TTC28: variants seen among roughly 807,000 people sequenced by gnomAD.
TTC28 encodes tetratricopeptide repeat domain 28, also known as tetratricopeptide repeat protein 28.
In TTC28, 61 loss-of-function variants were observed where a neutral mutation model predicts 198.0. The ratio of observed to expected loss-of-function variants is 0.31; its 90% confidence interval spans 0.25 to 0.38. TTC28 has a LOEUF of 0.38. TTC28 is among the 10% of genes least tolerant of loss of function. TTC28 has a pLI of 1.00. For synonymous variants in TTC28, 1,171 were observed against 1,297.8 expected (o/e 0.90, Z 2.10); for missense variants, 2,678 against 3,164.0 (o/e 0.85, Z 3.69).
At chr22:28,092,772 C>A (rs1941852389) in intron 12 of TTC28, among the ~76,000 whole-genome samples, 1 of 152,130 alleles carries the variant, frequency 6.6e-6, no homozygotes, top group South Asian at 2.1e-4. Flanking sequence ...GGAGTTACCA[C>A]CCTGTCAACC....
intron 2 of TTC28, among the ~76,000 whole-genome samples, chr22:28,377,108 C>A (rs1331401554): frequency 4.1e-5 from 6 of 145,678 alleles, no homozygotes; most frequent in Admixed American, 6.8e-5. Context: ...AGTAAAAAAA[C>A]CCATGTAATA....
chr22:28,280,567 AC>A (rs1391856879), intron 5 of TTC28, among the ~76,000 whole-genome samples: 36 of 152,054 alleles, frequency 2.4e-4, no homozygotes, highest in African/African-American at 7.7e-4. Flanking sequence ...TGAACTCCTG[AC>A]CTCATGTGAT....
In TTC28 at chr22:28,197,814, A is replaced by C. The variant is rs533960276; in HGVS notation, c.934-34215T>G. On this transcript the variant is annotated intron_variant, in intron 5 of 22. Transcript: ENST00000397906. Reference sequence around the variant, plus strand: ...AGGATCTTTCGAGGAAAGGAGTTTGAGGCCAGTCTGTGCAACACAGCAAGA... The same window carrying C: ...AGGATCTTTCGAGGAAAGGAGTTTGCGGCCAGTCTGTGCAACACAGCAAGA... 1.1e-4 allele frequency among the ~76,000 whole-genome samples: 17 copies of C among 152,168 alleles called. 1 individual carries two copies. The highest frequency in any genetic ancestry group is 3.9e-4 in the African/African-American group (16 of 41,532).
At chr22:28,583,810 T>C (rs1012577571) in intron 2 of TTC28, among the ~76,000 whole-genome samples, 1 of 152,094 alleles carries the variant, frequency 6.6e-6, no homozygotes, top group Non-Finnish European at 1.5e-5. Flanking sequence ...AAATATCTCT[T>C]TCAACTTAGC....
At chr22:28,663,311 G>A (rs1361283909) in intron 1 of TTC28, among the ~76,000 whole-genome samples, 1 of 151,424 alleles carries the variant, frequency 6.6e-6, no homozygotes, top group Non-Finnish European at 1.5e-5. Context: ...GGCCGAATAG[G>A]AACAGCTCCG....
chr22:28,256,115 C>T (rs1435853555), intron 5 of TTC28, among the ~76,000 whole-genome samples: 1 of 150,512 alleles, frequency 6.6e-6, no homozygotes, highest in African/African-American at 2.5e-5. Flanking sequence ...AGGTTGAGGC[C>T]TTTTAAAAAA....
Position 28,357,315 on chromosome 22 carries a change from A to ATTTTTTTTT in TTC28, c.382-50681_382-50673dup, listed in dbSNP as rs11415868. Among the ~76,000 whole-genome samples the ATTTTTTTTT allele has an allele frequency of 3.2e-4, 36 of 113,462 alleles. 1 individual carries two copies. The highest frequency in any genetic ancestry group is 5.0e-4 in the East Asian group (2 of 3,980). 74.4% of individuals were successfully genotyped at this position (113,462 alleles called of 152,430 possible). The stretch of plus-strand genomic sequence containing the variant: ...AGAAATCACTTTTATCAAATTTCTT[A>ATTTTTTTTT]TTTTTTTTTTTTTTTTTTTTTGAGA... On this transcript the variant is annotated intron_variant, in intron 2 of 22. Transcript: ENST00000397906.
intron 2 of TTC28, among the ~76,000 whole-genome samples, chr22:28,546,455 C>CA (rs886881314): frequency 1.2e-4 from 19 of 152,154 alleles, no homozygotes; most frequent in African/African-American, 4.6e-4. Flanking sequence ...AAAAAAACAA[C>CA]AAACAAACAA....
At chr22:28,343,356 C>T (rs942345780) in intron 2 of TTC28, among the ~76,000 whole-genome samples, 2 of 151,798 alleles carry the variant, frequency 1.3e-5, no homozygotes, top group Admixed American at 6.6e-5. Context: ...ATGGTGAGAC[C>T]CCATCTCTAG....
intron 2 of TTC28, among the ~76,000 whole-genome samples, chr22:28,391,284 T>A (rs1301491260): frequency 6.6e-6 from 1 of 152,218 alleles, no homozygotes; most frequent in Non-Finnish European, 1.5e-5. Context: ...ATTTTTTCCT[T>A]CATTTCAACT....
At chr22:28,257,408 G>C (rs1601539435) in intron 5 of TTC28, among the ~76,000 whole-genome samples, 1 of 152,042 alleles carries the variant, frequency 6.6e-6, no homozygotes, top group Non-Finnish European at 1.5e-5. Context: ...ATACACAATG[G>C]AATATTATTC....
In TTC28 at chr22:28,212,375, G is replaced by T. The variant is rs530323272; in HGVS notation, c.934-48776C>A. On this transcript the variant is annotated intron_variant, in intron 5 of 22. Transcript: ENST00000397906. ...AAAAGATCAACAAAATTGAGAGACC[G>T]CTAGCAAGACTAATAAAGAAGAAAA... Among the ~76,000 whole-genome samples the T allele has an allele frequency of 1.0e-4, 15 of 148,528 alleles. 1 individual carries two copies. The East Asian group carries it at 2.8e-3, about 28-fold the overall frequency.
At chr22:28,029,404 G>C (rs1251562852) in intron 13 of TTC28, among the ~76,000 whole-genome samples, 1 of 152,212 alleles carries the variant, frequency 6.6e-6, no homozygotes, top group Non-Finnish European at 1.5e-5. Flanking sequence ...CCCACCCAGT[G>C]CACAGTCACT....
At chr22:28,677,142 C>A (rs1239142319) in intron 1 of TTC28, among the ~76,000 whole-genome samples, 2 of 95,108 alleles carry the variant, frequency 2.1e-5, no homozygotes, top group Admixed American at 1.6e-4. Context: ...GGTGACAGAG[C>A]AAGACTCCAT....
chr22:28,139,743 AT>A (rs1205775518), intron 6 of TTC28, among the ~76,000 whole-genome samples: 1 of 151,140 alleles, frequency 6.6e-6, no homozygotes, highest in Non-Finnish European at 1.5e-5. Context: ...GGACTGGAGT[AT>A]ACAATCCCCA....
intron 1 of TTC28, among the ~76,000 whole-genome samples, chr22:28,633,418 C>T (rs548695608): frequency 6.6e-6 from 1 of 151,936 alleles, no homozygotes; most frequent in Non-Finnish European, 1.5e-5. Context: ...TGTTTGAGCC[C>T]GGGAGTTCAA....
chr22:28,073,790 A>C (rs1420933701), intron 12 of TTC28, among the ~76,000 whole-genome samples: 1 of 152,198 alleles, frequency 6.6e-6, no homozygotes, highest in Non-Finnish European at 1.5e-5. Context: ...TGTCTCTTGC[A>C]ATCTTAACTT....
rs1601490703 is a variant in TTC28 at position 27,992,870 on chromosome 22, A to G, written c.5477-207T>C. On this transcript the variant is annotated intron_variant, in intron 18 of 22. Transcript: ENST00000397906. ...GTGGGTGGAAGTGGGTTGAGTCCTG[A>G]CCCTGCCGCAGTCCTCTAGGCGTGG... The G allele has an allele frequency of 1.2e-5, 7 of 600,378 alleles. No individual in the cohort carries two copies. The East Asian group carries it at 2.0e-4, about 17-fold the overall frequency. The allele number at this position is 600,378 out of a possible 1,614,324, so 37.2% of individuals were successfully genotyped here. A position where few individuals can be genotyped will look rare whatever the true frequency, so the allele number is the denominator to read the frequency against.
chr22:28,434,639 CAA>C (rs2047490012), intron 2 of TTC28, among the ~76,000 whole-genome samples: 1 of 152,086 alleles, frequency 6.6e-6, no homozygotes, highest in African/African-American at 2.4e-5. Flanking sequence ...ATTTTCTCTT[CAA>C]AAAAACAACA....
Sources: gnomAD v4.1 joint callset for allele counts (sites outside exome capture counted in the v4.1 genomes callset) on GRCh38, gnomAD v4.1.1 for gene constraint, MANE v1.5 for transcripts, NCBI Gene and HGNC (gene_info 2026-07-23, HGNC 2026-07-21) for gene names.